Variants in CAMK4 observed in about 807,000 individuals in gnomAD.
The protein encoded by CAMK4 is calcium/calmodulin-dependent protein kinase type IV.
Under a neutral mutation model 44.9 loss-of-function variants are expected in CAMK4, and 22 were observed. That is an observed-to-expected ratio of 0.49 (90% CI 0.35 to 0.70). CAMK4 has a LOEUF of 0.70. CAMK4 is among the 30% of genes least tolerant of loss of function. The probability of loss-of-function intolerance (pLI) is 0.01; values close to 1 mark genes in which losing one functional copy is unlikely to be tolerated. For synonymous variants in CAMK4, 218 were observed against 215.4 expected (o/e 1.01, Z -0.11); for missense variants, 498 against 586.8 (o/e 0.85, Z 1.56).
intron 1 of CAMK4, among the ~76,000 whole-genome samples, chr5:111,252,100 T>G (rs1176369055): frequency 6.6e-6 from 1 of 152,220 alleles, no homozygotes; most frequent in African/African-American, 2.4e-5. Flanking sequence ...ATAGTCATAG[T>G]TACAGGGTGC....
At chr5:111,373,131 C>T (rs1192268804) in intron 2 of CAMK4, among the ~76,000 whole-genome samples, 1 of 152,138 alleles carries the variant, frequency 6.6e-6, no homozygotes, top group Non-Finnish European at 1.5e-5. Flanking sequence ...AATAGCTTGA[C>T]TTTCTTTAGC....
At chr5:111,374,748 C>T (rs551962865) in intron 2 of CAMK4, 102 bp from the exon 3 acceptor site, 11 of 726,470 alleles carry the variant, frequency 1.5e-5, no homozygotes, top group African/African-American at 8.8e-5. Context: ...TTAGGCTCTG[C>T]GAATTGCCTG....
chr5:111,342,878 C>A (rs192119709), intron 1 of CAMK4, among the ~76,000 whole-genome samples: 1 of 151,518 alleles, frequency 6.6e-6, no homozygotes, highest in Non-Finnish European at 1.5e-5. Context: ...CAGTATTTCC[C>A]AATTTCTTCC....
In CAMK4 at chr5:111,374,932, C is replaced by G; in HGVS notation, c.303+20C>G. The G allele has an allele frequency of 2.6e-6, 4 of 1,548,122 alleles. No homozygotes were observed. The highest frequency in any genetic ancestry group is 3.6e-6 in the Non-Finnish European group (4 of 1,120,802). On this transcript the variant is annotated intron_variant, in intron 3 of 10. Transcript: ENST00000282356. ...AACATTGTAAGTGGTTTTTAACCTA[C>G]TATTTCAAATGATTGCCAGAGCTAG...
At chr5:111,259,240 C>A (rs1422501051) in intron 1 of CAMK4, among the ~76,000 whole-genome samples, 1 of 152,314 alleles carries the variant, frequency 6.6e-6, no homozygotes, top group East Asian at 1.9e-4. Flanking sequence ...CACTCCCATA[C>A]CTTGGCTTTT....
chr5:111,345,102 T>G (rs1359817222), intron 2 of CAMK4, among the ~76,000 whole-genome samples: 1 of 151,880 alleles, frequency 6.6e-6, no homozygotes, highest in Non-Finnish European at 1.5e-5. Flanking sequence ...TACCAGCTGT[T>G]TATGTATTGT....
At position 111,379,659 on chromosome 5, in the gene CAMK4, T is replaced by C. The variant is rs537544478; in HGVS notation, c.386+2717T>C. Among the ~76,000 whole-genome samples, 3 of 152,140 alleles carry C rather than the reference T, an allele frequency of 2.0e-5. No homozygotes were observed. In the South Asian group the frequency reaches 6.2e-4, roughly 31 times the overall value. ...AAAGGTAACATGATCTCTTTTTTTG[T>C]ACTTAGGTCAAAACAAATTTACTTA... On this transcript the variant is annotated intron_variant, in intron 4 of 10. Transcript: ENST00000282356.
intron 5 of CAMK4, among the ~76,000 whole-genome samples, chr5:111,423,980 T>C (rs1156704491): frequency 6.6e-6 from 1 of 152,190 alleles, no homozygotes; most frequent in Admixed American, 6.5e-5. Flanking sequence ...AGAGGTTAAG[T>C]AACTTTTCCA....
chr5:111,454,231 G>T (rs567481054), intron 7 of CAMK4, among the ~76,000 whole-genome samples: 1 of 152,114 alleles, frequency 6.6e-6, no homozygotes, highest in African/African-American at 2.4e-5. Context: ...ATCCAAGGTC[G>T]ATTATCCTTA....
At chr5:111,257,184 C>G (rs923442601) in intron 1 of CAMK4, among the ~76,000 whole-genome samples, 3 of 152,086 alleles carry the variant, frequency 2.0e-5, no homozygotes, top group Non-Finnish European at 2.9e-5. Context: ...TTCTACACAG[C>G]AAAAGAATCT....
Position 111,344,044 on chromosome 5 carries a change from A to G in CAMK4, c.182A>G (p.Tyr61Cys). 2 of 1,605,046 alleles carry G rather than the reference A, an allele frequency of 1.2e-6. No homozygotes were observed. The highest frequency in any genetic ancestry group is 1.7e-6 in the Non-Finnish European group (2 of 1,172,674). The change falls in exon 2 of 11, where the codon TAC becomes TGC. Residue 61 changes from tyrosine (Y) to cysteine (C), a missense_variant. Coordinates refer to ENST00000282356, the MANE Select transcript of CAMK4 (RefSeq NM_001744.6). ...ELGRGATSIVYRCKQKGTQKP... is the reference protein window; with the variant it reads ...ELGRGATSIVCRCKQKGTQKP... ...TCAAGGGGTGCTACATCCATTGTGT[A>G]CAGATGCAAACAGAAGGGGACCCAG...
At chr5:111,251,637 T>C (rs985740014) in intron 1 of CAMK4, among the ~76,000 whole-genome samples, 2 of 152,230 alleles carry the variant, frequency 1.3e-5, no homozygotes, top group East Asian at 3.8e-4. Context: ...TCTGTGAGTC[T>C]TCTTATGTCT....
intron 4 of CAMK4, among the ~76,000 whole-genome samples, chr5:111,382,106 C>T (rs1751438310): frequency 6.6e-6 from 1 of 152,036 alleles, no homozygotes; most frequent in Non-Finnish European, 1.5e-5. Context: ...TTGATTGGTC[C>T]TGTGCAAACC....
intron 1 of CAMK4, among the ~76,000 whole-genome samples, chr5:111,253,672 C>G (rs990089654): frequency 2.7e-4 from 41 of 152,208 alleles, no homozygotes; most frequent in African/African-American, 9.2e-4. Flanking sequence ...ATGATGTTGA[C>G]TTTATTCCAT....
At chr5:111,284,489 C>T (rs1166226043) in intron 1 of CAMK4, among the ~76,000 whole-genome samples, 1 of 152,294 alleles carries the variant, frequency 6.6e-6, no homozygotes, top group Non-Finnish European at 1.5e-5. Flanking sequence ...TGAGGGCTGA[C>T]TTGTACAAAC....
intron 5 of CAMK4, among the ~76,000 whole-genome samples, chr5:111,440,183 T>C (rs1753776354): frequency 6.6e-6 from 1 of 151,718 alleles, no homozygotes. Flanking sequence ...AAAGAGGAAA[T>C]GGAGAGGAAG....
chr5:111,425,921 A>G (rs1753209980), intron 5 of CAMK4, among the ~76,000 whole-genome samples: 1 of 152,182 alleles, frequency 6.6e-6, no homozygotes, highest in Non-Finnish European at 1.5e-5. Flanking sequence ...TATGTCATTT[A>G]ACCTGAATTG....
At chr5:111,265,127 C>A (rs910545843) in intron 1 of CAMK4, among the ~76,000 whole-genome samples, 3 of 152,086 alleles carry the variant, frequency 2.0e-5, no homozygotes, top group African/African-American at 7.2e-5. Context: ...ATGTAAGCCC[C>A]ATGAAGGCAA....
chr5:111,247,308 T>A (rs1411140708), intron 1 of CAMK4, among the ~76,000 whole-genome samples: 1 of 147,666 alleles, frequency 6.8e-6, no homozygotes, highest in African/African-American at 2.4e-5. Flanking sequence ...TATAAATTAT[T>A]TTTATATTTT....
Sources: allele counts gnomAD v4.1 joint callset (sites outside exome capture counted in the v4.1 genomes callset), GRCh38; gene constraint gnomAD v4.1.1; transcripts MANE v1.5; gene names NCBI Gene and HGNC (gene_info 2026-07-23, HGNC 2026-07-21).